The following LAMC3 variants were observed in gnomAD, a reference collection of about 807,000 sequenced individuals.
LAMC3 encodes the protein laminin subunit gamma-3.
LAMC3 carries 128 observed loss-of-function variants against 173.8 expected under a neutral mutation model. The observed-to-expected ratio is 0.74, with a 90% CI of 0.64 to 0.85. The LOEUF (loss-of-function observed/expected upper bound fraction) is 0.85, where lower values mean the gene tolerates loss of function less well. Among genes scored for constraint, LAMC3 ranks in the 40% least tolerant of loss-of-function variants. LAMC3 has a pLI of 0.00. For synonymous variants in LAMC3, 897 were observed against 909.1 expected (o/e 0.99, Z 0.24); for missense variants, 2,022 against 2,156.0 (o/e 0.94, Z 1.23).
Position 131,071,589 on chromosome 9 carries a change from A to G in LAMC3, c.3175A>G (p.Arg1059Gly), listed in dbSNP as rs1446334640. Residue 1059 changes from arginine (R) to glycine (G), a missense_variant, in exon 18 of 28, where the codon AGG becomes GGG. Arg to Gly is a moderately radical substitution (Grantham distance 125). Transcript: ENST00000361069. ...AGACATTCTGCTGGGAGAGGCCCCAAGGGGGGACGTCTACCAGGGCCATCA... is the reference window on the plus strand; with the variant it reads ...AGACATTCTGCTGGGAGAGGCCCCAGGGGGGGACGTCTACCAGGGCCATCA... ...PLDILLGEAP[R>G]GDVYQGHHLL... 1 of 1,604,798 alleles carries G rather than the reference A, an allele frequency of 6.2e-7. No individual in the cohort carries two copies. Among genetic ancestry groups the G allele is most frequent in the African/African-American group, 1.3e-5 (1 of 74,830 alleles).
intron 6 of LAMC3, among the ~76,000 whole-genome samples, chr9:131,040,240 C>T (rs1003900928): frequency 1.3e-5 from 2 of 151,690 alleles, no homozygotes; most frequent in African/African-American, 4.9e-5. Flanking sequence ...TGCAGTGGCG[C>T]GATCTCTACT....
At chr9:131,077,111 G>A in intron 21 of LAMC3, 76 bp from the exon 22 acceptor site, 1 of 1,595,796 alleles carries the variant, frequency 6.3e-7, no homozygotes. Context: ...CAAACCAGTG[G>A]CTCCAGCCTG....
At chr9:131,028,318 C>T (rs781746042) in intron 2 of LAMC3, among the ~76,000 whole-genome samples, 1 of 152,120 alleles carries the variant, frequency 6.6e-6, no homozygotes, top group African/African-American at 2.4e-5. Flanking sequence ...GTTGGAGTAC[C>T]GCTGCTCTAG....
chr9:131,073,103 CT>C (rs2133326721), intron 19 of LAMC3, 141 bp from the exon 20 acceptor site: 1 of 751,008 alleles, frequency 1.3e-6, no homozygotes, highest in East Asian at 2.6e-5. Flanking sequence ...ACTCCGCTCA[CT>C]GAATGCCGAT....
intron 2 of LAMC3, among the ~76,000 whole-genome samples, chr9:131,030,840 G>C: frequency 6.6e-6 from 1 of 152,234 alleles, no homozygotes; most frequent in East Asian, 1.9e-4. Flanking sequence ...AGCAGCATCA[G>C]TACCTGGGCA....
chr9:131,009,413 G>C lies in LAMC3; in HGVS notation c.199G>C (p.Ala67Pro). The change falls in exon 1 of 28, where the codon GCC becomes CCC. Residue 67 changes from alanine to proline, a missense_variant. By Grantham distance (27) the Ala-to-Pro change is conservative. Coordinates refer to ENST00000361069, the MANE Select transcript of LAMC3 (RefSeq NM_006059.4). The surrounding 1 kb of genome is among the most constrained non-coding windows in gnomAD (Gnocchi z 4.3). The part of the protein sequence containing the change: ...PPEDFCPHVG[A>P]AGAGAHCQRC... ...CGAGGACTTCTGTCCCCACGTGGGC[G>C]CCGCGGGCGCGGGGGCTCATTGCCA... The C allele has an allele frequency of 3.2e-6, 5 of 1,540,636 alleles. No homozygotes were observed. Among genetic ancestry groups the C allele is most frequent in the Non-Finnish European group, 4.4e-6 (5 of 1,145,006 alleles).
chr9:131,086,896 A>AG (rs1830341437), intron 25 of LAMC3, among the ~76,000 whole-genome samples: 1 of 151,206 alleles, frequency 6.6e-6, no homozygotes, highest in African/African-American at 2.4e-5. Context: ...CTCGAAAAAA[A>AG]AAAAGAAAAA....
intron 25 of LAMC3, among the ~76,000 whole-genome samples, chr9:131,086,901 G>A (rs569692491): frequency 0.018 from 2,661 of 147,086 alleles, 78 homozygotes; most frequent in African/African-American, 0.064. Flanking sequence ...AAAAAAAAAA[G>A]AAAAAAAAGA....
chr9:131,045,905 G>C (rs994912008), intron 8 of LAMC3, among the ~76,000 whole-genome samples: 1 of 152,208 alleles, frequency 6.6e-6, no homozygotes, highest in Non-Finnish European at 1.5e-5. Context: ...CCGGGTACGT[G>C]ACGCTTTTTG....
intron 12 of LAMC3, among the ~76,000 whole-genome samples, chr9:131,057,700 A>G (rs1450186950): frequency 2.0e-5 from 3 of 152,152 alleles, no homozygotes; most frequent in Non-Finnish European, 4.4e-5. Flanking sequence ...AGATAATGAC[A>G]GTATATACAC....
chr9:131,026,256 T>C lies in LAMC3; in HGVS notation c.374-29T>C. ...GATTCCATACCTCCTTCCCCTTCCATAAAATGGGCCCCGTTTTCCTGGCTG... is the reference window on the plus strand; with the variant it reads ...GATTCCATACCTCCTTCCCCTTCCACAAAATGGGCCCCGTTTTCCTGGCTG... On this transcript the variant is annotated intron_variant, in intron 1 of 27. Coordinates refer to ENST00000361069, the MANE Select transcript of LAMC3 (RefSeq NM_006059.4). This position sits in a 1 kb window ranked among gnomAD's most constrained non-coding sequence, Gnocchi z 4.8. 1 of 1,613,688 alleles carries C rather than the reference T, an allele frequency of 6.2e-7. No individual in the cohort carries two copies. Among genetic ancestry groups the C allele is most frequent in the Non-Finnish European group, 8.5e-7 (1 of 1,179,876 alleles).
intron 3 of LAMC3, among the ~76,000 whole-genome samples, chr9:131,034,998 T>C (rs2133244278): frequency 6.6e-6 from 1 of 152,352 alleles, no homozygotes. Flanking sequence ...TTGCCCAGGC[T>C]GGAGTGCAAT....
chr9:131,062,022 G>T (rs1453451892), intron 13 of LAMC3, among the ~76,000 whole-genome samples: 2 of 152,076 alleles, frequency 1.3e-5, no homozygotes, highest in Non-Finnish European at 2.9e-5. Context: ...CTGCACTCCA[G>T]CCTGGGTGAC....
In LAMC3 at chr9:131,009,291, A is replaced by T. The variant is rs1156398395; in HGVS notation, c.77A>T (p.Tyr26Phe). The change falls in exon 1 of 28, where the codon TAT becomes TTT. Residue 26 changes from tyrosine to phenylalanine, a missense_variant. Transcript: ENST00000361069. The surrounding 1 kb of genome is among the most constrained non-coding windows in gnomAD (Gnocchi z 4.3). The part of the protein sequence containing the change: ...RAAGAGMGAC[Y>F]DGAGRPQRCL... ...GCCGGCGCGGGCATGGGCGCGTGCT[A>T]TGACGGCGCAGGGCGCCCGCAGCGC... 2 of 1,420,298 alleles carry T rather than the reference A, an allele frequency of 1.4e-6. No individual in the cohort carries two copies. Among genetic ancestry groups the T allele is most frequent in the Admixed American group, 3.0e-5 (1 of 33,862 alleles). The allele number at this position is 1,420,298 out of a possible 1,614,324, so 88.0% of individuals were successfully genotyped here.
Position 131,061,111 on chromosome 9 carries a change from C to T in LAMC3, c.2235C>T (p.Phe745=), listed in dbSNP as rs779092470. The T allele has an allele frequency of 1.7e-5, 28 of 1,613,868 alleles. No homozygotes were observed. Among genetic ancestry groups the T allele is most frequent in the Admixed American group, 3.3e-5 (2 of 60,012 alleles). Residue 745 remains phenylalanine, a synonymous_variant, in exon 13 of 28, where the codon TTC becomes TTT. Transcript: ENST00000361069. ...RCLPGFYGNP[F]AGQADDCQPC... ...TGCCAGGTTTCTATGGCAACCCTTT[C>T]GCGGGCCAAGCCGACGACTGCCAGC...
chr9:131,032,230 CG>C, intron 3 of LAMC3, 55 bp downstream of exon 3: 1 of 955,956 alleles, frequency 1.0e-6, no homozygotes, highest in South Asian at 1.6e-5. Flanking sequence ...AACCCGAGAG[CG>C]GAAGGTGGCT....
intron 4 of LAMC3, among the ~76,000 whole-genome samples, chr9:131,037,773 G>A (rs537139750): frequency 2.6e-5 from 4 of 152,328 alleles, no homozygotes; most frequent in Admixed American, 6.5e-5. Flanking sequence ...GATCACAGGC[G>A]TGAGCCATGG....
rs36028197 is a variant in LAMC3, at chr9:131,072,765, C to G, written c.3347C>G (p.Ala1116Gly). The G allele has an allele frequency of 3.9e-4, 627 of 1,613,356 alleles. 2 individuals are homozygous for G. In the African/African-American group the frequency reaches 7.6e-3, roughly 20 times the overall value. Reference sequence around the variant, plus strand: ...TCCCAGAAGACCTGCACCCAGCTGGCAGACCTGGAGGCAGTGCTGGAGTCC... The same window carrying G: ...TCCCAGAAGACCTGCACCCAGCTGGGAGACCTGGAGGCAGTGCTGGAGTCC... ...AGSQKTCTQLADLEAVLESSE... is the reference protein window; with the variant it reads ...AGSQKTCTQLGDLEAVLESSE... The change falls in exon 19 of 28, where the codon GCA (alanine) becomes GGA (glycine). Residue 1116 changes from alanine (A) to glycine (G), a missense_variant. Coordinates refer to ENST00000361069, the MANE Select transcript of LAMC3 (RefSeq NM_006059.4).
chr9:131,038,975 A>G lies in LAMC3; in HGVS notation c.1088A>G (p.His363Arg), dbSNP rs1487080993. 2.5e-6 allele frequency: 4 copies of G among 1,613,552 alleles called. No individual in the cohort carries two copies. Among genetic ancestry groups the G allele is most frequent in the Admixed American group, 1.7e-5 (1 of 60,020 alleles). The stretch of plus-strand genomic sequence containing the variant: ...TGCCGTGACCACACAGCTGGGCCAC[A>G]CTGTGAGCGCTGTCAGGAGAATTTC... ...HHCRDHTAGP[H>R]CERCQENFYH... The change falls in exon 5 of 28, where the codon CAC becomes CGC. Residue 363 changes from histidine to arginine, a missense_variant. His to Arg is a conservative substitution (Grantham distance 29, BLOSUM62 0). Transcript: ENST00000361069.
Sources: allele counts gnomAD v4.1 joint callset (sites outside exome capture counted in the v4.1 genomes callset), GRCh38; gene constraint gnomAD v4.1.1; non-coding constraint Gnocchi (gnomAD v3.1); transcripts MANE v1.5; gene names NCBI Gene and HGNC (gene_info 2026-07-23, HGNC 2026-07-21).